Variants in DOP1B observed in about 807,000 individuals in gnomAD.
DOP1B encodes protein DOP1B.
DOP1B carries 174 observed loss-of-function variants against 233.5 expected under a neutral mutation model. The ratio of observed to expected loss-of-function variants is 0.75; its 90% CI spans 0.66 to 0.85. The LOEUF (loss-of-function observed/expected upper bound fraction) is 0.85. Among genes scored for constraint, DOP1B ranks in the 40% least tolerant of loss-of-function variants. DOP1B has a pLI of 0.00. For synonymous variants in DOP1B, 1,190 were observed against 1,185.6 expected, an observed-to-expected ratio of 1.00 and a Z score of -0.08; for missense variants, 2,652 against 2,846.6, an observed-to-expected ratio of 0.93 and a Z score of 1.56.
intron 26 of DOP1B, among the ~76,000 whole-genome samples, chr21:36,267,460 T>A (rs572048458): frequency 2.6e-5 from 4 of 152,226 alleles, no homozygotes; most frequent in African/African-American, 9.6e-5. Context: ...CAGGTGGCTG[T>A]TGAGCACTTG....
At chr21:36,200,715 C>T (rs1336605426) in intron 4 of DOP1B, among the ~76,000 whole-genome samples, 3 of 151,932 alleles carry the variant, frequency 2.0e-5, no homozygotes, top group Non-Finnish European at 2.9e-5. Context: ...TGGTGGCGGG[C>T]GTCTGTAGTC....
At position 36,248,547 on chromosome 21, in the gene DOP1B, C is replaced by T. The variant is rs377199053; in HGVS notation, c.4977C>T (p.Ser1659=). Residue 1659 remains serine (S), a synonymous_variant, in exon 21 of 37, where the codon TCC becomes TCT. Transcript: ENST00000691173. Reference sequence around the variant, plus strand: ...TAGGGGCCACGAAGGGATCCTCTTCCGTTTACTTTAAAACCACCAAAGTAA... The same window carrying T: ...TAGGGGCCACGAAGGGATCCTCTTCTGTTTACTTTAAAACCACCAAAGTAA... ...DLLGATKGSS[S]VYFKTTKTIR... is the part of the protein sequence containing the mutation. The T allele has an allele frequency of 6.8e-6, 11 of 1,609,564 alleles. No individual in the cohort carries two copies. In the African/African-American group the frequency reaches 9.4e-5, roughly 14 times the overall value.
chr21:36,287,541 T>G (rs2146257128), intron 32 of DOP1B, among the ~76,000 whole-genome samples: 1 of 148,262 alleles, frequency 6.7e-6, no homozygotes, highest in South Asian at 2.2e-4. Flanking sequence ...AGAAGAGGGC[T>G]GGGGTGGACT....
chr21:36,225,134 T>C (rs1413128338), intron 11 of DOP1B, among the ~76,000 whole-genome samples: 1 of 152,194 alleles, frequency 6.6e-6, no homozygotes, highest in African/African-American at 2.4e-5. Flanking sequence ...AATTTAGTTA[T>C]GAGAACTACA....
At chr21:36,166,288 T>C (rs2065910822) in intron 2 of DOP1B, among the ~76,000 whole-genome samples, 1 of 151,664 alleles carries the variant, frequency 6.6e-6, no homozygotes, top group African/African-American at 2.4e-5. Context: ...TACAAAAAAA[T>C]TAGCCGGGCG....
intron 4 of DOP1B, among the ~76,000 whole-genome samples, chr21:36,201,987 C>G (rs999872108): frequency 6.6e-6 from 1 of 151,980 alleles, no homozygotes; most frequent in African/African-American, 2.4e-5. Flanking sequence ...GAGTTCAAGA[C>G]CAGCCTGGCC....
At chr21:36,206,164 T>G (rs966972951) in intron 4 of DOP1B, among the ~76,000 whole-genome samples, 6 of 152,250 alleles carry the variant, frequency 3.9e-5, no homozygotes, top group African/African-American at 1.2e-4. Flanking sequence ...TTTGTCATAG[T>G]TGCTGTTGTT....
At chr21:36,168,787 C>T (rs918722571) in intron 2 of DOP1B, among the ~76,000 whole-genome samples, 3 of 152,072 alleles carry the variant, frequency 2.0e-5, no homozygotes, top group Non-Finnish European at 4.4e-5. Context: ...CCCGCCTCAA[C>T]CTCCCAAAGT....
chr21:36,186,977 C>T (rs973474778), intron 2 of DOP1B, among the ~76,000 whole-genome samples: 16 of 152,050 alleles, frequency 1.1e-4, no homozygotes, highest in African/African-American at 3.1e-4. Flanking sequence ...CTTAGGAGCT[C>T]GACCGGCGGC....
intron 2 of DOP1B, among the ~76,000 whole-genome samples, chr21:36,195,175 A>G (rs1055042486): frequency 4.6e-5 from 7 of 151,976 alleles, no homozygotes; most frequent in Non-Finnish European, 1.0e-4. Context: ...ACTTGTCTCT[A>G]CTAAAAAATA....
intron 9 of DOP1B, among the ~76,000 whole-genome samples, chr21:36,217,568 C>T (rs2066574782): frequency 6.6e-6 from 1 of 152,184 alleles, no homozygotes; most frequent in African/African-American, 2.4e-5. Flanking sequence ...TTGCCTCTGT[C>T]ACCAGGTGAA....
chr21:36,258,142 G>T (rs115265117), intron 23 of DOP1B, among the ~76,000 whole-genome samples: 279 of 152,186 alleles, frequency 1.8e-3, no homozygotes, highest in African/African-American at 6.4e-3. Context: ...TTAAAGGGTG[G>T]CTCACTCCTG....
intron 26 of DOP1B, among the ~76,000 whole-genome samples, chr21:36,267,625 C>CTTTTTTTTTTTT (rs3029062): frequency 8.6e-6 from 1 of 116,932 alleles, no homozygotes. Context: ...TGCAGTGAGA[C>CTTTTTTTTTTTT]TTTTTTTTTT....
intron 7 of DOP1B, among the ~76,000 whole-genome samples, chr21:36,212,578 G>GT (rs2066512480): frequency 6.6e-6 from 1 of 152,208 alleles, no homozygotes; most frequent in African/African-American, 2.4e-5. Context: ...GTGTGTCAGA[G>GT]TGTGTGGACT....
At chr21:36,273,354 C>G (rs1051370994) in intron 27 of DOP1B, among the ~76,000 whole-genome samples, 1 of 151,110 alleles carries the variant, frequency 6.6e-6, no homozygotes, top group Non-Finnish European at 1.5e-5. Context: ...CTGCAGTGCG[C>G]CGAGATCGTG....
At chr21:36,209,056 GAGA>G (rs540735678) in intron 5 of DOP1B, 152 bp downstream of exon 5, 97 of 846,444 alleles carry the variant, frequency 1.1e-4, no homozygotes, top group Admixed American at 2.2e-4. Flanking sequence ...TGAGCAAGGC[GAGA>G]AGGAGGCCTT....
intron 1 of DOP1B, among the ~76,000 whole-genome samples, chr21:36,160,512 C>G (rs957085496): frequency 7.1e-6 from 1 of 140,382 alleles, no homozygotes; most frequent in Non-Finnish European, 1.5e-5. Flanking sequence ...GAGTCTCACT[C>G]TGTCACCCAG....
chr21:36,291,437 T>C (rs4577368), intron 35 of DOP1B, among the ~76,000 whole-genome samples: 96,777 of 151,660 alleles, frequency 0.64, 31,345 homozygotes, highest in African/African-American at 0.75. Flanking sequence ...GGCAGGTGCC[T>C]GTAATCCCAG....
intron 4 of DOP1B, among the ~76,000 whole-genome samples, chr21:36,205,023 G>T (rs2066411978): frequency 6.6e-6 from 1 of 150,852 alleles, no homozygotes; most frequent in Non-Finnish European, 1.5e-5. Flanking sequence ...CTTTTTTTTT[G>T]CCCCCTCTTT....
Sources: gnomAD v4.1 joint callset for allele counts (sites outside exome capture counted in the v4.1 genomes callset) on GRCh38, gnomAD v4.1.1 for gene constraint, MANE v1.5 for transcripts, NCBI Gene and HGNC (gene_info 2026-07-23, HGNC 2026-07-21) for gene names.